Variants in PABPN1L observed in about 807,000 individuals in gnomAD.
PABPN1L encodes embryonic polyadenylate-binding protein 2.
PABPN1L carries 45 observed loss-of-function variants against 34.0 expected under a neutral mutation model. The ratio of observed to expected loss-of-function variants is 1.32; its 90% CI spans 1.04 to 1.70. PABPN1L has a LOEUF of 1.70. Ranked by LOEUF, PABPN1L falls within the 40% of genes most tolerant of loss-of-function variation. PABPN1L has a pLI of 0.00. For synonymous variants in PABPN1L, 182 were observed against 152.1 expected, an observed-to-expected ratio of 1.20 and a Z score of -1.45; for missense variants, 459 against 367.8, an observed-to-expected ratio of 1.25 and a Z score of -2.03.
At chr16:88,865,865 T>C (rs1597641116) in exon 2 of PABPN1L, 2 of 1,610,320 alleles carry the variant, frequency 1.2e-6, no homozygotes, top group Non-Finnish European at 1.7e-6. Flanking sequence ...CTCGGCCTGT[T>C]GCTGCACTCC....
upstream of PABPN1L, among the ~76,000 whole-genome samples, chr16:88,868,117 G>C (rs531200246): frequency 3.0e-3 from 461 of 152,280 alleles, no homozygotes; most frequent in Non-Finnish European, 5.5e-3. Context: ...GGAGCAGGTG[G>C]ACATGGAGGC....
chr16:88,869,592 C>T (rs796656460), upstream of PABPN1L, among the ~76,000 whole-genome samples: 1 of 152,350 alleles, frequency 6.6e-6, no homozygotes, highest in African/African-American at 2.4e-5. Context: ...TGGGATCCTC[C>T]TGTTGGGATG....
chr16:88,864,238 G>A (rs978095287), exon 6 of PABPN1L: 13 of 1,530,094 alleles, frequency 8.5e-6, no homozygotes, highest in South Asian at 2.4e-5. Context: ...CCCACTCACC[G>A]GTTCTGCCCT....
At chr16:88,868,302 T>G (rs75948317), upstream of PABPN1L, among the ~76,000 whole-genome samples, 42 of 152,246 alleles carry the variant, frequency 2.8e-4, no homozygotes, top group East Asian at 7.7e-3. Flanking sequence ...TGCTCTGCTT[T>G]TTCCAAAGAG....
upstream of PABPN1L, chr16:88,866,673 G>T (rs2143020793): frequency 2.1e-6 from 3 of 1,457,796 alleles, no homozygotes; most frequent in Non-Finnish European, 1.8e-6. Context: ...GTCCGCACCT[G>T]CCCAGGCTCT....
At position 88,865,547 on chromosome 16, in the gene PABPN1L, C is replaced by A. The variant is rs376402718; in HGVS notation, c.459+16G>T. On this transcript the variant is annotated intron_variant, in intron 3 of 6. Transcript: ENST00000419291. Reference sequence around the variant, plus strand: ...CCCCATTCGCTGCCTGCCCCTTCACCCCGCCCACCACTCACGTTGCCCACG... The same window carrying A: ...CCCCATTCGCTGCCTGCCCCTTCACACCGCCCACCACTCACGTTGCCCACG... 1.6e-4 allele frequency: 253 copies of A among 1,608,964 alleles called. No individual in the cohort carries two copies. Among genetic ancestry groups the A allele is most frequent in the Non-Finnish European group, 2.0e-4 (234 of 1,178,568 alleles).
chr16:88,866,733 T>A, upstream of PABPN1L: 1 of 1,318,618 alleles, frequency 7.6e-7, no homozygotes. Context: ...ACTAGAGCAT[T>A]TGCAAAGGCT....
chr16:88,865,085 C>G (rs1567564098), exon 4 of PABPN1L: 4 of 1,592,600 alleles, frequency 2.5e-6, no homozygotes, highest in Non-Finnish European at 2.6e-6. Context: ...CCCACAGCGG[C>G]TGAAGTGGGC....
rs767627346 is a variant in PABPN1L, at chr16:88,864,844, C to G, written c.654+9G>C. 41 of 1,601,654 alleles carry G rather than the reference C, an allele frequency of 2.6e-5. No homozygotes were observed. The highest frequency in any genetic ancestry group is 3.3e-5 in the Non-Finnish European group (39 of 1,174,788). ...CTCATGTTCCTGGACCTGGGGAGCA[C>G]CGGCGCACCTTGATGACCCGGCCCC... On this transcript the variant is annotated intron_variant, in intron 5 of 6. Transcript: ENST00000419291.
chr16:88,866,363 A>G (rs1968593964), exon 1 of PABPN1L: 6 of 1,550,146 alleles, frequency 3.9e-6, no homozygotes, highest in South Asian at 1.2e-5. Context: ...TGGTCAGGCA[A>G]TGGGCACTCA....
In PABPN1L at chr16:88,863,801, C is replaced by T. The variant is rs540229170; in HGVS notation, c.798-6G>A. The T allele has an allele frequency of 2.8e-5, 43 of 1,535,720 alleles. No individual in the cohort carries two copies. The highest frequency in any genetic ancestry group is 3.5e-5 in the Non-Finnish European group (40 of 1,146,760). On this transcript the variant is annotated splice_region_variant and splice_polypyrimidine_tract_variant and intron_variant, in intron 6 of 6. Coordinates refer to ENST00000419291, the Ensembl canonical transcript of PABPN1L. ...GTGAGAATTTTCCACGGGCCCTGCA[C>T]GGAGAGAGAACACACACTGAGTGGC...
chr16:88,864,301 C>G, exon 6 of PABPN1L: 1 of 1,555,610 alleles, frequency 6.4e-7, no homozygotes, highest in Non-Finnish European at 8.7e-7. Flanking sequence ...AAGGGTGCCC[C>G]CCTGGAGCCT....
intron 6 of PABPN1L, 100 bp downstream of exon 6, chr16:88,864,137 C>T (rs74035873): frequency 0.018 from 24,450 of 1,379,444 alleles, 965 homozygotes; most frequent in African/African-American, 0.15. Context: ...AGGTACATTC[C>T]TGCAGCCCCA....
At chr16:88,866,269 A>G in intron 1 of PABPN1L, 83 bp downstream of exon 1, 3 of 1,479,446 alleles carry the variant, frequency 2.0e-6, no homozygotes, top group Non-Finnish European at 1.8e-6. Flanking sequence ...AGCTGCAGCC[A>G]TCCGTCACCC....
upstream of PABPN1L, among the ~76,000 whole-genome samples, chr16:88,866,866 T>C (rs904798036): frequency 6.6e-6 from 1 of 152,246 alleles, no homozygotes; most frequent in Admixed American, 6.5e-5. Context: ...GTCACCGGTC[T>C]CTTCTGCTTC....
At chr16:88,866,449 T>A in exon 1 of PABPN1L, 1 of 1,551,568 alleles carries the variant, frequency 6.4e-7, no homozygotes, top group Non-Finnish European at 8.7e-7. Flanking sequence ...ATCCTCTTCC[T>A]CCTCTTTCTC....
chr16:88,865,882 C>T (rs1382192745), exon 2 of PABPN1L: 13 of 1,609,596 alleles, frequency 8.1e-6, no homozygotes, highest in Admixed American at 1.7e-5. Context: ...CTCCTGGAGG[C>T]CGTGGCGTCC....
chr16:88,864,447 C>T (rs1405039624), intron 5 of PABPN1L, 68 bp from the exon 6 acceptor site: 2 of 1,485,880 alleles, frequency 1.3e-6, no homozygotes, highest in Non-Finnish European at 1.8e-6. Context: ...GCCCCCGCAG[C>T]CCCCACCACC....
chr16:88,866,286 C>G (rs866824708), intron 1 of PABPN1L, 66 bp downstream of exon 1: 7 of 1,504,188 alleles, frequency 4.7e-6, no homozygotes, highest in Non-Finnish European at 6.2e-6. Context: ...ACCCAGACCC[C>G]GTGTCTCCAC....
Sources: allele counts gnomAD v4.1 joint callset (sites outside exome capture counted in the v4.1 genomes callset), GRCh38; gene constraint gnomAD v4.1.1; transcripts MANE v1.5; gene names NCBI Gene and HGNC (gene_info 2026-07-23, HGNC 2026-07-21).